GPATCH2: variants seen among roughly 807,000 people sequenced by gnomAD.
GPATCH2 encodes G patch domain-containing protein 2.
Under a neutral mutation model 58.0 loss-of-function variants are expected in GPATCH2, and 51 were observed. The observed-to-expected ratio is 0.88, with a 90% CI of 0.70 to 1.11. The LOEUF is 1.11. Ranked by LOEUF, GPATCH2 falls within the 50% of genes most tolerant of loss-of-function variation. GPATCH2 has a pLI of 0.00. For missense variants in GPATCH2, 625 were observed against 652.2 expected, an observed-to-expected ratio of 0.96 and a Z score of 0.45; for synonymous variants, 222 against 218.5, an observed-to-expected ratio of 1.02 and a Z score of -0.14.
chr1:217,435,182 TA>T (rs1310379388), intron 9 of GPATCH2, among the ~76,000 whole-genome samples: 2 of 152,182 alleles, frequency 1.3e-5, no homozygotes, highest in Admixed American at 1.3e-4. Context: ...CTGGCAGTGT[TA>T]AAATCCTTTA....
At chr1:217,440,791 A>C (rs1227123349) in intron 9 of GPATCH2, among the ~76,000 whole-genome samples, 1 of 152,220 alleles carries the variant, frequency 6.6e-6, no homozygotes, top group Non-Finnish European at 1.5e-5. Context: ...TTAGGAATAC[A>C]ACTTAAAAGG....
At chr1:217,511,283 G>C (rs564096877) in intron 6 of GPATCH2, among the ~76,000 whole-genome samples, 1 of 152,178 alleles carries the variant, frequency 6.6e-6, no homozygotes, top group South Asian at 2.1e-4. Context: ...CCAAAGATTA[G>C]GATTGGTAGG....
intron 8 of GPATCH2, among the ~76,000 whole-genome samples, chr1:217,479,522 CA>C (rs1192094038): frequency 6.6e-6 from 1 of 151,760 alleles, no homozygotes; most frequent in Admixed American, 6.6e-5. Flanking sequence ...ACAGATGACA[CA>C]AAAAATAAGC....
At chr1:217,511,960 T>C (rs1662877312) in intron 6 of GPATCH2, among the ~76,000 whole-genome samples, 1 of 152,120 alleles carries the variant, frequency 6.6e-6, no homozygotes, top group South Asian at 2.1e-4. Flanking sequence ...CTCCCCCACA[T>C]TGGCTCTACA....
chr1:217,525,084 A>G (rs1031994708), intron 5 of GPATCH2, among the ~76,000 whole-genome samples: 9 of 151,498 alleles, frequency 5.9e-5, no homozygotes, highest in Non-Finnish European at 1.2e-4. Context: ...TTACCTAAAT[A>G]TACTCTATTA....
chr1:217,497,120 A>G (rs1005501660), intron 7 of GPATCH2, among the ~76,000 whole-genome samples: 5 of 152,180 alleles, frequency 3.3e-5, no homozygotes, highest in Non-Finnish European at 5.9e-5. Flanking sequence ...CTCAAGTTCT[A>G]AAGGGTAGAA....
At chr1:217,575,874 TTG>T (rs1247991255) in intron 5 of GPATCH2, among the ~76,000 whole-genome samples, 3 of 152,178 alleles carry the variant, frequency 2.0e-5, no homozygotes, top group Non-Finnish European at 2.9e-5. Flanking sequence ...TACTTACTTT[TTG>T]TGTTTTTTCC....
Position 217,436,609 on chromosome 1 carries a change from G to A in GPATCH2, c.1367-5244C>T, listed in dbSNP as rs11806505. On this transcript the variant is annotated intron_variant, in intron 9 of 9. Transcript: ENST00000366935. ...TCAATTTGTATATGAACAATATATC[G>A]CACTTTGTATATGGACAATATATCA... is the stretch of plus-strand genomic sequence containing the variant. Among the ~76,000 whole-genome samples, 215 of 152,138 alleles carry A rather than the reference G, an allele frequency of 1.4e-3. 1 individual carries two copies. Among genetic ancestry groups the A allele is most frequent in the African/African-American group, 5.0e-3 (206 of 41,522 alleles).
At chr1:217,464,408 C>T (rs1232816109) in intron 8 of GPATCH2, among the ~76,000 whole-genome samples, 2 of 152,096 alleles carry the variant, frequency 1.3e-5, no homozygotes, top group Non-Finnish European at 2.9e-5. Context: ...CAAAGCTCTA[C>T]CACTCAATGG....
At chr1:217,527,792 G>T (rs1663991309) in intron 5 of GPATCH2, among the ~76,000 whole-genome samples, 1 of 152,240 alleles carries the variant, frequency 6.6e-6, no homozygotes, top group Admixed American at 6.5e-5. Flanking sequence ...AGAGGAGATA[G>T]TGAACAACTA....
chr1:217,630,377 C>T (rs762101215), intron 1 of GPATCH2, among the ~76,000 whole-genome samples: 1 of 152,096 alleles, frequency 6.6e-6, no homozygotes, highest in Non-Finnish European at 1.5e-5. Flanking sequence ...GTTATAGGTT[C>T]TTGGAAAGCC....
At chr1:217,454,133 C>G (rs1184943816) in intron 8 of GPATCH2, among the ~76,000 whole-genome samples, 1 of 152,144 alleles carries the variant, frequency 6.6e-6, no homozygotes, top group Non-Finnish European at 1.5e-5. Flanking sequence ...CCAAATTACC[C>G]TCCCCGCTTT....
At chr1:217,594,804 T>C (rs1667748404) in intron 5 of GPATCH2, among the ~76,000 whole-genome samples, 1 of 152,188 alleles carries the variant, frequency 6.6e-6, no homozygotes, top group Non-Finnish European at 1.5e-5. Context: ...TGCACATGTG[T>C]GTAAAGGTAC....
intron 7 of GPATCH2, among the ~76,000 whole-genome samples, chr1:217,496,523 A>G (rs976676849): frequency 6.6e-6 from 1 of 152,158 alleles, no homozygotes; most frequent in Non-Finnish European, 1.5e-5. Context: ...GGCCCCAAGC[A>G]TAGTGCTAAA....
chr1:217,601,660 A>T (rs4384293), intron 5 of GPATCH2, among the ~76,000 whole-genome samples: 90,361 of 151,716 alleles, frequency 0.6, 27,817 homozygotes, highest in African/African-American at 0.66. Context: ...CCAGTTGTTA[A>T]AAGGGCAATT....
intron 6 of GPATCH2, among the ~76,000 whole-genome samples, chr1:217,502,519 C>A (rs1662357591): frequency 6.6e-6 from 1 of 152,190 alleles, no homozygotes; most frequent in Admixed American, 6.5e-5. Context: ...ATACCACTAT[C>A]TAGATTCTAC....
intron 5 of GPATCH2, among the ~76,000 whole-genome samples, chr1:217,573,270 T>G (rs548526139): frequency 6.6e-6 from 1 of 152,264 alleles, no homozygotes; most frequent in Admixed American, 6.5e-5. Flanking sequence ...TTAACCAATG[T>G]AAGACATTTG....
chr1:217,609,904 G>T, intron 5 of GPATCH2: 1 of 1,105,108 alleles, frequency 9.0e-7, no homozygotes, highest in East Asian at 4.9e-5. Context: ...CCATAAAAGA[G>T]AAAAATATAT....
intron 5 of GPATCH2, among the ~76,000 whole-genome samples, chr1:217,569,191 A>C (rs1210622344): frequency 6.6e-6 from 1 of 151,988 alleles, no homozygotes; most frequent in Admixed American, 6.6e-5. Context: ...ATGGGAGTAG[A>C]CAGATATTTG....
Sources: gnomAD v4.1 joint callset for allele counts (sites outside exome capture counted in the v4.1 genomes callset) on GRCh38, gnomAD v4.1.1 for gene constraint, MANE v1.5 for transcripts, NCBI Gene and HGNC (gene_info 2026-07-23, HGNC 2026-07-21) for gene names.